SEMA4A: variants seen among roughly 807,000 people sequenced by gnomAD.
The protein encoded by SEMA4A is semaphorin 4A, also known as semaphorin-4A.
SEMA4A carries 52 observed loss-of-function variants against 72.5 expected under a neutral mutation model. That is an observed-to-expected ratio of 0.72 (90% CI 0.57 to 0.90). The LOEUF (loss-of-function observed/expected upper bound fraction) is 0.90, where lower values mean the gene tolerates loss of function less well. Among genes scored for constraint, SEMA4A ranks in the 40% least tolerant of loss-of-function variants. The pLI, the probability that SEMA4A is intolerant of heterozygous loss-of-function variation, is 0.00. For synonymous variants in SEMA4A, 369 were observed against 393.1 expected (o/e 0.94, Z 0.73); for missense variants, 926 against 959.7 (o/e 0.96, Z 0.46).
chr1:156,161,445 A>C lies in SEMA4A; in HGVS notation c.910A>C (p.Ile304Leu). Reference protein sequence around the residue: ...TQPGQLPFNVIRHAVLLPADS... With the variant: ...TQPGQLPFNVLRHAVLLPADS... Reference sequence around the variant, plus strand: ...GCCGGGGCAGCTGCCCTTCAACGTCATCCGCCACGCGGTCCTGCTCCCCGC... The same window carrying C: ...GCCGGGGCAGCTGCCCTTCAACGTCCTCCGCCACGCGGTCCTGCTCCCCGC... The change falls in exon 9 of 15, where the codon ATC becomes CTC. Residue 304 changes from isoleucine to leucine, a missense_variant. By Grantham distance (5) the Ile-to-Leu change is conservative. Transcript: ENST00000368285. 1 of 1,613,936 alleles carries C rather than the reference A, an allele frequency of 6.2e-7. No homozygotes were observed. Among genetic ancestry groups the C allele is most frequent in the Non-Finnish European group, 8.5e-7 (1 of 1,179,972 alleles).
At position 156,175,149 on chromosome 1, in the gene SEMA4A, T is replaced by A. The variant is rs1315644823; in HGVS notation, c.1498T>A (p.Tyr500Asn). ...GGTGCCCCGAGCCAACTGTAGTGTC[T>A]ATGAGAGCTGTGTGGACTGTGTCCT... ...WRVPRANCSVYESCVDCVLAR... is the reference protein window; with the variant it reads ...WRVPRANCSVNESCVDCVLAR... Residue 500 changes from tyrosine (Y) to asparagine (N), a missense_variant, in exon 13 of 15, where the codon TAT (tyrosine) becomes AAT (asparagine). Transcript: ENST00000368285. 1 of 1,614,060 alleles carries A rather than the reference T, an allele frequency of 6.2e-7. No homozygotes were observed. Among genetic ancestry groups the A allele is most frequent in the Non-Finnish European group, 8.5e-7 (1 of 1,180,028 alleles).
intron 5 of SEMA4A, 39 bp from the exon 6 acceptor site, chr1:156,158,680 C>T (rs979783120): frequency 6.6e-7 from 1 of 1,520,704 alleles, no homozygotes; most frequent in Non-Finnish European, 9.1e-7. Context: ...AGATGTGAGA[C>T]CTTGGCGTTC....
upstream of SEMA4A, among the ~76,000 whole-genome samples, chr1:156,148,801 CTTTTTTTTTT>C (rs371528689): frequency 1.6e-5 from 2 of 128,740 alleles, no homozygotes; most frequent in African/African-American, 5.9e-5. Context: ...TTTCTTTTTT[CTTTTTTTTTT>C]TTTTTTTTGA....
chr1:156,161,360 C>T lies in SEMA4A; in HGVS notation c.825C>T (p.Gly275=), dbSNP rs750285501. The part of the protein sequence containing the change: ...VARVCKNDVG[G]EKLLQKKWTT... ...TGTGCCCCCAGAATGACGTGGGCGG[C>T]GAAAAGCTGCTGCAGAAGAAGTGGA... The change falls in exon 9 of 15, where the codon GGC becomes GGT. Residue 275 remains glycine, a synonymous_variant. Coordinates refer to ENST00000368285, the MANE Select transcript of SEMA4A (RefSeq NM_022367.4). 5 of 1,476,094 alleles carry T rather than the reference C, an allele frequency of 3.4e-6. No individual in the cohort carries two copies. In the East Asian group the frequency reaches 1.4e-4, roughly 43 times the overall value. The allele number at this position is 1,476,094 out of a possible 1,614,324, so 91.4% of individuals were successfully genotyped here.
rs1653797629 is a variant in SEMA4A, at chr1:156,162,938, C to T, written c.984-6C>T. On this transcript the variant is annotated splice_region_variant and splice_polypyrimidine_tract_variant and intron_variant, in intron 9 of 14. Transcript: ENST00000368285. The stretch of plus-strand genomic sequence containing the variant: ...CACAGACAATGTTCCCTCTGGCTGT[C>T]TCCAGGCAGGTTGGCGGGACCAGGA... 3 of 1,613,518 alleles carry T rather than the reference C, an allele frequency of 1.9e-6. No individual in the cohort carries two copies. The highest frequency in any genetic ancestry group is 1.3e-5 in the African/African-American group (1 of 75,040).
At chr1:156,159,062 A>G (rs1233700151) in intron 6 of SEMA4A, 8 of 528,256 alleles carry the variant, frequency 1.5e-5, no homozygotes, top group Non-Finnish European at 2.7e-5. Flanking sequence ...TCAGTGCCTC[A>G]TGCCTGTAAT....
At position 156,176,825 on chromosome 1, in the gene SEMA4A, C is replaced by T. The variant is rs1655387711; in HGVS notation, c.2114C>T (p.Ser705Phe). The T allele has an allele frequency of 5.6e-6, 9 of 1,614,114 alleles. No homozygotes were observed. Among genetic ancestry groups the T allele is most frequent in the Non-Finnish European group, 7.6e-6 (9 of 1,180,026 alleles). ...LSGALIILVA[S>F]PLRALRARGK... ...GGAGCCCTCATCATCCTCGTGGCCT[C>T]CCCATTGAGAGCACTCCGGGCTCGG... The change falls in exon 15 of 15, where the codon TCC (serine) becomes TTC (phenylalanine). Residue 705 changes from serine to phenylalanine, a missense_variant. Transcript: ENST00000368285.
At chr1:156,161,116 T>A in intron 8 of SEMA4A, 87 bp downstream of exon 8, 1 of 1,288,476 alleles carries the variant, frequency 7.8e-7, no homozygotes, top group Non-Finnish European at 1.1e-6. Flanking sequence ...GGGCCCCCAG[T>A]GAGAGCGGGG....
In SEMA4A at chr1:156,172,886, G is replaced by C. The variant is rs1280862663; in HGVS notation, c.1195G>C (p.Asp399His). ...LTFMKDHFLM[D>H]EQVVGTPLLV... ...CTTCATGAAGGACCATTTCCTGATG[G>C]ATGAGCAAGTGGTGGGGACGCCCCT... is the stretch of plus-strand genomic sequence containing the variant. Residue 399 changes from aspartate to histidine, a missense_variant, in exon 11 of 15, where the codon GAT becomes CAT. Transcript: ENST00000368285. The C allele has an allele frequency of 6.2e-7, 1 of 1,614,190 alleles. No homozygotes were observed. The highest frequency in any genetic ancestry group is 8.5e-7 in the Non-Finnish European group (1 of 1,180,028).
At position 156,175,632 on chromosome 1, in the gene SEMA4A, C is replaced by T. The variant is rs780337679; in HGVS notation, c.1669C>T (p.Arg557Trp). ...CAGTGGCCCCATGAGCAGGAGCCTT[C>T]GGCCTCAGAGCCGCCCGCAAATCAG... ...CASGPMSRSL[R>W]PQSRPQIIKE... The change falls in exon 14 of 15, where the codon CGG (arginine) becomes TGG (tryptophan). Residue 557 changes from arginine (R) to tryptophan (W), a missense_variant. Physicochemically the swap from Arg to Trp is moderately radical, Grantham distance 101. Coordinates refer to ENST00000368285, the MANE Select transcript of SEMA4A (RefSeq NM_022367.4). 2.7e-5 allele frequency: 43 copies of T among 1,610,698 alleles called. No homozygotes were observed. The highest frequency in any genetic ancestry group is 2.4e-4 in the South Asian group (22 of 90,270).
rs756057039 is a variant in SEMA4A at position 156,158,119 on chromosome 1, A to G, written c.350A>G (p.Lys117Arg). ...DRKKSECAFK[K>R]KSNETQCFNF... ...AAAAAGAGTGAATGTGCCTTTAAGA[A>G]GAAGAGCAATGAGGTAAGTGGAGGT... Residue 117 changes from lysine (K) to arginine (R), a missense_variant, in exon 4 of 15, where the codon AAG (lysine) becomes AGG (arginine). Transcript: ENST00000368285. 5.0e-6 allele frequency: 8 copies of G among 1,614,176 alleles called. 1 individual carries two copies. In the South Asian group the frequency reaches 8.8e-5, roughly 18 times the overall value.
rs1466922651 is a variant in SEMA4A at position 156,158,154 on chromosome 1, G to T, written c.363+22G>T. 4 of 1,612,970 alleles carry T rather than the reference G, an allele frequency of 2.5e-6. No homozygotes were observed. The South Asian group carries it at 3.3e-5, about 13-fold the overall frequency. ...TGAGGTAAGTGGAGGTGGGGGAGTA[G>T]GGGTAGAGTGGGTAGAGAGCTCTGG... is the stretch of plus-strand genomic sequence containing the variant. On this transcript the variant is annotated intron_variant, in intron 4 of 14. Coordinates refer to ENST00000368285, the MANE Select transcript of SEMA4A (RefSeq NM_022367.4).
chr1:156,177,235 C>G lies in SEMA4A; in HGVS notation c.*238C>G. ...CTCTCTAACAGGGTGGGGGCTACCC[C>G]CAGACCTGCTCCTACACTGATATTG... On this transcript the variant is annotated 3_prime_UTR_variant, in exon 15 of 15. Coordinates refer to ENST00000368285, the MANE Select transcript of SEMA4A (RefSeq NM_022367.4). 1 of 594,222 alleles carries G rather than the reference C, an allele frequency of 1.7e-6. No individual in the cohort carries two copies. The allele number at this position is 594,222 out of a possible 1,614,324, so 36.8% of individuals were successfully genotyped here.
chr1:156,155,105 A>T (rs1652891651), intron 2 of SEMA4A: 1 of 263,142 alleles, frequency 3.8e-6, no homozygotes, highest in African/African-American at 2.2e-5. Flanking sequence ...CCATATGTGG[A>T]CCCGGTGACC....
At chr1:156,160,599 T>G (rs1366821002) in intron 7 of SEMA4A, 40 bp downstream of exon 7, 1 of 1,530,086 alleles carries the variant, frequency 6.5e-7, no homozygotes, top group Non-Finnish European at 9.1e-7. Flanking sequence ...TCCTGAGTCC[T>G]GGTGACCTTG....
chr1:156,168,943 T>C (rs2102987702), intron 10 of SEMA4A, among the ~76,000 whole-genome samples: 1 of 152,222 alleles, frequency 6.6e-6, no homozygotes, highest in Non-Finnish European at 1.5e-5. Context: ...TCATGTAGTG[T>C]ACTTACCTTA....
intron 8 of SEMA4A, 100 bp from the exon 9 acceptor site, chr1:156,161,246 G>T (rs1386899749): frequency 2.6e-5 from 20 of 758,124 alleles, no homozygotes; most frequent in Non-Finnish European, 3.8e-5. Flanking sequence ...GGGCTGGCGG[G>T]GACTGGGGGG....
rs755922876 is a variant in SEMA4A at position 156,174,838 on chromosome 1, C to T, written c.1332C>T (p.His444=). The T allele has an allele frequency of 1.2e-6, 2 of 1,614,230 alleles. No homozygotes were observed. The highest frequency in any genetic ancestry group is 1.1e-5 in the South Asian group (1 of 91,086). Residue 444 remains histidine (H), a synonymous_variant, in exon 12 of 15, where the codon CAC becomes CAT. Coordinates refer to ENST00000368285, the MANE Select transcript of SEMA4A (RefSeq NM_022367.4). ...TCCCCATAGCCACAGGGTCGCTCCACAAGGCTGTGGTAAGTGGGGACAGCA... is the reference window on the plus strand; with the variant it reads ...TCCCCATAGCCACAGGGTCGCTCCATAAGGCTGTGGTAAGTGGGGACAGCA... ...MYLGTTTGSL[H]KAVVSGDSSA...
Position 156,163,443 on chromosome 1 carries a change from C to G in SEMA4A, c.1134+349C>G, listed in dbSNP as rs1012403603. ...TTTTAAAAAAATCAGAGGCCAGGGC[C>G]GGGTGTGGTGGCTCACACCTGTAAT... On this transcript the variant is annotated intron_variant, in intron 10 of 14. Coordinates refer to ENST00000368285, the MANE Select transcript of SEMA4A (RefSeq NM_022367.4). The G allele has an allele frequency of 1.6e-5, 5 of 316,486 alleles. No individual in the cohort carries two copies. In the East Asian group the frequency reaches 3.3e-4, roughly 21 times the overall value. 19.6% of individuals were successfully genotyped at this position (316,486 alleles called of 1,614,324 possible). A position where few individuals can be genotyped will look rare whatever the true frequency, so the allele number is the denominator to read the frequency against.
Sources: gnomAD v4.1 joint callset for allele counts (sites outside exome capture counted in the v4.1 genomes callset) on GRCh38, gnomAD v4.1.1 for gene constraint, MANE v1.5 for transcripts, NCBI Gene and HGNC (gene_info 2026-07-23, HGNC 2026-07-21) for gene names.